Variants in DOCK2 observed in about 807,000 individuals in gnomAD.
DOCK2 encodes dedicator of cytokinesis 2, also known as dedicator of cytokinesis protein 2.
In DOCK2, 87 loss-of-function variants were observed where a neutral mutation model predicts 248.9. The observed-to-expected ratio is 0.35, with a 90% CI of 0.29 to 0.42. DOCK2 has a LOEUF of 0.42. Ranked by LOEUF, DOCK2 falls within the 10% of genes least tolerant of loss-of-function variation. The pLI is 1.00. For missense variants in DOCK2, 1,747 were observed against 2,300.2 expected (o/e 0.76, Z 4.92); for synonymous variants, 805 against 821.6 (o/e 0.98, Z 0.35).
At chr5:169,767,088 G>C (rs1013636572) in intron 25 of DOCK2, among the ~76,000 whole-genome samples, 1 of 152,214 alleles carries the variant, frequency 6.6e-6, no homozygotes, top group Non-Finnish European at 1.5e-5. Flanking sequence ...GCCATTTTGA[G>C]TGGCGAGAGA....
chr5:169,859,202 C>T (rs1321940143), intron 27 of DOCK2, among the ~76,000 whole-genome samples: 2 of 152,064 alleles, frequency 1.3e-5, no homozygotes, highest in African/African-American at 2.4e-5. Context: ...GTGTTGCCAA[C>T]GGATGCATCC....
chr5:169,883,829 C>T, intron 27 of DOCK2: 1 of 1,548,346 alleles, frequency 6.5e-7, no homozygotes, highest in Non-Finnish European at 8.7e-7. Context: ...GGTTGTTTCA[C>T]AAACTCCACT....
intron 27 of DOCK2, among the ~76,000 whole-genome samples, chr5:169,911,514 C>A (rs1774598286): frequency 6.6e-6 from 1 of 152,174 alleles, no homozygotes; most frequent in South Asian, 2.1e-4. Context: ...CTGTTTATTA[C>A]CTGCTGGTGA....
intron 14 of DOCK2, among the ~76,000 whole-genome samples, chr5:169,706,046 G>A (rs907838740): frequency 1.3e-5 from 2 of 152,210 alleles, no homozygotes; most frequent in African/African-American, 4.8e-5. Context: ...CTCAGTCCCT[G>A]GTCACAATGC....
chr5:169,865,504 C>T (rs372640169), intron 27 of DOCK2, among the ~76,000 whole-genome samples: 2 of 152,214 alleles, frequency 1.3e-5, no homozygotes, highest in Admixed American at 1.3e-4. Context: ...CTTAGACATC[C>T]CTGTGGGCTG....
chr5:169,812,295 C>T (rs1014413907), intron 26 of DOCK2, among the ~76,000 whole-genome samples: 2 of 152,174 alleles, frequency 1.3e-5, no homozygotes, highest in East Asian at 1.9e-4. Context: ...AGGGTGCATG[C>T]TCCTTATGAG....
chr5:169,972,476 T>A (rs1777538812), intron 27 of DOCK2, among the ~76,000 whole-genome samples: 1 of 98,848 alleles, frequency 1.0e-5, no homozygotes, highest in South Asian at 3.4e-4. Flanking sequence ...CTTTTGACAA[T>A]GAAAAATATT....
chr5:170,058,103 T>C (rs1220861229), intron 44 of DOCK2, among the ~76,000 whole-genome samples: 1 of 152,212 alleles, frequency 6.6e-6, no homozygotes, highest in East Asian at 1.9e-4. Flanking sequence ...ATCATTTGGC[T>C]AGAATCCAAA....
At chr5:169,911,696 G>A (rs898650019) in intron 27 of DOCK2, among the ~76,000 whole-genome samples, 7 of 152,170 alleles carry the variant, frequency 4.6e-5, no homozygotes, top group Non-Finnish European at 7.4e-5. Flanking sequence ...AATTAGCCAA[G>A]AAGTTGGTGC....
intron 26 of DOCK2, among the ~76,000 whole-genome samples, chr5:169,806,787 G>A (rs983352568): frequency 2.0e-5 from 3 of 152,128 alleles, no homozygotes; most frequent in Non-Finnish European, 2.9e-5. Flanking sequence ...AGTCACACAA[G>A]GTGTGGGGAG....
At chr5:169,792,836 C>T (rs1766430697) in intron 25 of DOCK2, among the ~76,000 whole-genome samples, 1 of 152,136 alleles carries the variant, frequency 6.6e-6, no homozygotes. Context: ...GCCATATATG[C>T]ATTTTTATTT....
At chr5:169,869,148 G>A (rs1177393939) in intron 27 of DOCK2, among the ~76,000 whole-genome samples, 2 of 152,076 alleles carry the variant, frequency 1.3e-5, no homozygotes, top group Non-Finnish European at 2.9e-5. Flanking sequence ...TCAGCTCCTC[G>A]CATCAACCTT....
At chr5:170,032,363 C>T (rs1038267791) in intron 34 of DOCK2, among the ~76,000 whole-genome samples, 4 of 152,064 alleles carry the variant, frequency 2.6e-5, no homozygotes, top group Non-Finnish European at 4.4e-5. Flanking sequence ...TTGGAATCTC[C>T]TAGAGAATGT....
At chr5:169,988,507 G>T (rs1778127196) in intron 29 of DOCK2, among the ~76,000 whole-genome samples, 5 of 151,616 alleles carry the variant, frequency 3.3e-5, no homozygotes, top group Admixed American at 3.3e-4. Context: ...TATTATTATT[G>T]TTTTATTTAT....
chr5:169,991,668 G>T (rs58275528), intron 29 of DOCK2, among the ~76,000 whole-genome samples: 4,682 of 152,302 alleles, frequency 0.031, 244 homozygotes, highest in African/African-American at 0.097. Flanking sequence ...AGAATGATGC[G>T]GACAAAGTGC....
chr5:169,649,763 A>C (rs1757695507), intron 1 of DOCK2, among the ~76,000 whole-genome samples: 1 of 152,140 alleles, frequency 6.6e-6, no homozygotes, highest in South Asian at 2.1e-4. Context: ...GTTACTATGA[A>C]GATTAAATGG....
At chr5:169,753,338 G>T (rs1267403216) in intron 23 of DOCK2, among the ~76,000 whole-genome samples, 2 of 151,814 alleles carry the variant, frequency 1.3e-5, no homozygotes, top group Non-Finnish European at 2.9e-5. Flanking sequence ...TATTTGTCCC[G>T]ATGTTCTCCC....
chr5:169,781,124 A>G (rs895254480), intron 25 of DOCK2, among the ~76,000 whole-genome samples: 5 of 152,104 alleles, frequency 3.3e-5, no homozygotes, highest in Non-Finnish European at 7.4e-5. Flanking sequence ...ACCTATGCTC[A>G]CTCACACAGT....
intron 26 of DOCK2, among the ~76,000 whole-genome samples, chr5:169,804,619 C>G (rs374681539): frequency 2.0e-5 from 3 of 152,170 alleles, no homozygotes; most frequent in African/African-American, 7.2e-5. Flanking sequence ...GTGCTAAATG[C>G]AATCTGCGCA....
Sources: allele counts gnomAD v4.1 joint callset (sites outside exome capture counted in the v4.1 genomes callset), GRCh38; gene constraint gnomAD v4.1.1; transcripts MANE v1.5; gene names NCBI Gene and HGNC (gene_info 2026-07-23, HGNC 2026-07-21).